PDE11A: variants seen among roughly 807,000 people sequenced by gnomAD.
PDE11A encodes dual 3',5'-cyclic-AMP and -GMP phosphodiesterase 11A.
In PDE11A, 100 loss-of-function variants were observed where a neutral mutation model predicts 100.5. The ratio of observed to expected loss-of-function variants is 1.00; its 90% CI spans 0.85 to 1.18. The LOEUF (loss-of-function observed/expected upper bound fraction) is 1.18, where lower values mean the gene tolerates loss of function less well. Ranked by LOEUF, PDE11A falls within the 50% of genes most tolerant of loss-of-function variation. The pLI is 0.00. For synonymous variants in PDE11A, 381 were observed against 420.8 expected (o/e 0.91, Z 1.16); for missense variants, 1,141 against 1,152.6 (o/e 0.99, Z 0.15).
At chr2:178,018,811 A>C (rs1018852781) in intron 1 of PDE11A, among the ~76,000 whole-genome samples, 23 of 152,234 alleles carry the variant, frequency 1.5e-4, no homozygotes, top group Non-Finnish European at 2.8e-4. Flanking sequence ...GCCTCTTTAA[A>C]CGCTGGGATC....
intron 1 of PDE11A, among the ~76,000 whole-genome samples, chr2:178,018,695 C>T (rs1444610338): frequency 3.9e-5 from 6 of 152,116 alleles, no homozygotes; most frequent in African/African-American, 1.4e-4. Context: ...TGCAGGTGCA[C>T]ACCACCATGC....
At chr2:177,824,881 T>C (rs2083203630) in intron 6 of PDE11A, among the ~76,000 whole-genome samples, 2 of 152,204 alleles carry the variant, frequency 1.3e-5, no homozygotes, top group South Asian at 2.1e-4. Flanking sequence ...GCATATTATA[T>C]ACATTGAAGG....
At chr2:177,998,678 T>G (rs774543060) in intron 2 of PDE11A, 44 of 1,191,900 alleles carry the variant, frequency 3.7e-5, no homozygotes, top group Non-Finnish European at 5.3e-5. Flanking sequence ...CACCATCCAG[T>G]ATCACTTGAT....
intron 2 of PDE11A, among the ~76,000 whole-genome samples, chr2:177,916,153 C>G (rs1167735494): frequency 6.6e-6 from 1 of 152,170 alleles, no homozygotes; most frequent in Non-Finnish European, 1.5e-5. Context: ...AGTTATATTC[C>G]CGGGTTCAGT....
chr2:177,817,596 T>C (rs1429034431), intron 8 of PDE11A, among the ~76,000 whole-genome samples: 1 of 151,928 alleles, frequency 6.6e-6, no homozygotes, highest in Non-Finnish European at 1.5e-5. Context: ...AATAAGAAAA[T>C]AGCACTTTGG....
intron 2 of PDE11A, among the ~76,000 whole-genome samples, chr2:177,917,809 T>A (rs2084975464): frequency 6.6e-6 from 1 of 152,178 alleles, no homozygotes; most frequent in Non-Finnish European, 1.5e-5. Context: ...ATTTCCAAAA[T>A]AATTCATCAT....
intron 10 of PDE11A, among the ~76,000 whole-genome samples, chr2:177,738,206 C>A (rs914954205): frequency 6.6e-6 from 1 of 152,086 alleles, no homozygotes; most frequent in Non-Finnish European, 1.5e-5. Context: ...CCCTGTGACC[C>A]CAATCTTCAA....
chr2:177,629,337 G>A lies in PDE11A; in HGVS notation c.*70C>T. The A allele has an allele frequency of 7.5e-7, 1 of 1,328,456 alleles. No individual in the cohort carries two copies. 82.3% of individuals were successfully genotyped at this position (1,328,456 alleles called of 1,614,324 possible). A position where few individuals can be genotyped will look rare whatever the true frequency, so the allele number is the denominator to read the frequency against. ...TCTTTCTGAGCTAAAAGAACAAAAG[G>A]ATGACATTGCTGGACTGAAAATGGC... On this transcript the variant is annotated 3_prime_UTR_variant, in exon 20 of 20. Coordinates refer to ENST00000286063, the MANE Select transcript of PDE11A (RefSeq NM_016953.4).
chr2:177,710,754 A>G (rs2081347900), intron 13 of PDE11A, among the ~76,000 whole-genome samples: 1 of 152,218 alleles, frequency 6.6e-6, no homozygotes, highest in Non-Finnish European at 1.5e-5. Context: ...AGGAGTAAAT[A>G]CAAGAGTCCA....
At chr2:178,059,171 T>C (rs1477481655) in intron 1 of PDE11A, among the ~76,000 whole-genome samples, 1 of 152,226 alleles carries the variant, frequency 6.6e-6, no homozygotes, top group Non-Finnish European at 1.5e-5. Context: ...CCTAGCTCCA[T>C]GAGCCCTGCC....
chr2:177,892,147 G>A (rs1010786480), intron 4 of PDE11A, among the ~76,000 whole-genome samples: 2 of 152,088 alleles, frequency 1.3e-5, no homozygotes, highest in Non-Finnish European at 2.9e-5. Flanking sequence ...GTGCTCTTTG[G>A]ACTGGTTTTA....
chr2:177,683,471 A>G (rs2080895679), intron 15 of PDE11A: 2 of 152,240 alleles, frequency 1.3e-5, no homozygotes, highest in Admixed American at 6.5e-5. Flanking sequence ...GAGATAGCCA[A>G]GTAAAACGAG....
rs764647204 is a variant in PDE11A at position 178,072,113 on chromosome 2, C to A, written c.325G>T (p.Asp109Tyr). Residue 109 changes from aspartate (D) to tyrosine (Y), a missense_variant, in exon 1 of 20, where the codon GAT becomes TAT. Physicochemically the swap from Asp to Tyr is radical, Grantham distance 160. Transcript: ENST00000286063. ...GAAGCTCTCCGCTGCAGGTTCCCAT[C>A]GCCCCTGCTGCCACCGGCCCAGCTG... ...SPSWAGGSRG[D>Y]GNLQRRASQK... The A allele has an allele frequency of 1.2e-6, 2 of 1,613,716 alleles. No homozygotes were observed. Among genetic ancestry groups the A allele is most frequent in the South Asian group, 2.2e-5 (2 of 91,060 alleles).
At chr2:177,652,081 G>C (rs893900414) in intron 19 of PDE11A, among the ~76,000 whole-genome samples, 2 of 152,174 alleles carry the variant, frequency 1.3e-5, no homozygotes, top group African/African-American at 2.4e-5. Context: ...CGCTTGCTTT[G>C]TTGCTGAGGC....
chr2:177,687,062 G>T (rs2080963380), intron 15 of PDE11A: 1 of 152,082 alleles, frequency 6.6e-6, no homozygotes. Flanking sequence ...CTTCTTGAAA[G>T]CTCAGGAGAT....
intron 10 of PDE11A, among the ~76,000 whole-genome samples, chr2:177,742,772 A>G (rs1273312436): frequency 6.6e-6 from 1 of 152,214 alleles, no homozygotes; most frequent in African/African-American, 2.4e-5. Flanking sequence ...CTCAGGAGGA[A>G]GACAAGGCTA....
chr2:177,816,136 G>C (rs966588726), intron 9 of PDE11A, among the ~76,000 whole-genome samples: 2 of 152,054 alleles, frequency 1.3e-5, no homozygotes, highest in Non-Finnish European at 2.9e-5. Flanking sequence ...GCTTGAACCC[G>C]GGAGGTAGAG....
At chr2:177,849,084 A>G (rs2083653045) in intron 5 of PDE11A, among the ~76,000 whole-genome samples, 1 of 152,228 alleles carries the variant, frequency 6.6e-6, no homozygotes, top group Non-Finnish European at 1.5e-5. Flanking sequence ...GGCCTCTACT[A>G]AGTGCTGGAC....
intron 2 of PDE11A, among the ~76,000 whole-genome samples, chr2:177,952,424 C>A (rs921054037): frequency 6.6e-6 from 1 of 152,146 alleles, no homozygotes; most frequent in Non-Finnish European, 1.5e-5. Context: ...TGGCCCACAC[C>A]GGATTTTCTC....
Sources: allele counts gnomAD v4.1 joint callset (sites outside exome capture counted in the v4.1 genomes callset), GRCh38; gene constraint gnomAD v4.1.1; transcripts MANE v1.5; gene names NCBI Gene and HGNC (gene_info 2026-07-23, HGNC 2026-07-21).